PDGFD: variants seen among roughly 807,000 people sequenced by gnomAD.
PDGFD encodes platelet-derived growth factor D.
In PDGFD, 30 loss-of-function variants were observed where a neutral mutation model predicts 44.7. The ratio of observed to expected loss-of-function variants is 0.67; its 90% confidence interval spans 0.50 to 0.91. PDGFD has a LOEUF of 0.91. Among genes scored for constraint, PDGFD ranks in the 40% least tolerant of loss-of-function variants. PDGFD has a pLI of 0.00. For synonymous variants in PDGFD, 173 were observed against 168.4 expected, an observed-to-expected ratio of 1.03 and a Z score of -0.21; for missense variants, 445 against 457.8, an observed-to-expected ratio of 0.97 and a Z score of 0.25.
intron 3 of PDGFD, among the ~76,000 whole-genome samples, chr11:103,970,385 A>G (rs1859086255): frequency 6.6e-6 from 1 of 152,092 alleles, no homozygotes; most frequent in African/African-American, 2.4e-5. Flanking sequence ...AAGTTCTTCT[A>G]TGAAATATAG....
intron 1 of PDGFD, among the ~76,000 whole-genome samples, chr11:104,124,212 T>C (rs1861813288): frequency 6.6e-6 from 1 of 151,966 alleles, no homozygotes; most frequent in Admixed American, 6.6e-5. Context: ...TGAAGAAAAG[T>C]GACTTTAAAT....
intron 3 of PDGFD, among the ~76,000 whole-genome samples, chr11:103,964,578 C>T (rs577988251): frequency 1.3e-5 from 2 of 152,150 alleles, no homozygotes; most frequent in African/African-American, 4.8e-5. Flanking sequence ...TTCCCATATC[C>T]CCTAGTGGCA....
chr11:104,067,822 C>A (rs891999094), intron 1 of PDGFD, among the ~76,000 whole-genome samples: 1 of 152,038 alleles, frequency 6.6e-6, no homozygotes, highest in Non-Finnish European at 1.5e-5. Flanking sequence ...GTACATAGAG[C>A]AGTTATGCTC....
rs142011177 is a variant in PDGFD at position 104,107,203 on chromosome 11, C to T, written c.124+56601G>A. On this transcript the variant is annotated intron_variant, in intron 1 of 6. Coordinates refer to ENST00000393158, the MANE Select transcript of PDGFD (RefSeq NM_025208.5). ...GAAGGGAGATTATCCCCAAAGAGAC[C>T]GAATCACATGTGCCCTTTAAAAGAG... Among the ~76,000 whole-genome samples, 87 of 152,166 alleles carry T rather than the reference C, an allele frequency of 5.7e-4. No individual in the cohort carries two copies. In the East Asian group the frequency reaches 0.015, roughly 26 times the overall value.
At chr11:103,940,257 A>G (rs1337185716) in intron 5 of PDGFD, among the ~76,000 whole-genome samples, 3 of 152,006 alleles carry the variant, frequency 2.0e-5, no homozygotes, top group Non-Finnish European at 4.4e-5. Context: ...TTCTTTACTC[A>G]GTGTGTCTGC....
chr11:104,041,712 CA>C (rs1860356688), intron 1 of PDGFD, among the ~76,000 whole-genome samples: 3 of 152,230 alleles, frequency 2.0e-5, no homozygotes, highest in African/African-American at 7.2e-5. Context: ...GCAGTTAAAC[CA>C]GAAGATGGAT....
chr11:104,050,807 G>A (rs981992672), intron 1 of PDGFD, among the ~76,000 whole-genome samples: 2 of 152,144 alleles, frequency 1.3e-5, no homozygotes, highest in African/African-American at 4.8e-5. Context: ...GAAACACAGA[G>A]GCAGAGGATC....
intron 1 of PDGFD, among the ~76,000 whole-genome samples, chr11:104,118,878 CATAT>C (rs1415619227): frequency 1.5e-5 from 1 of 67,084 alleles, no homozygotes; most frequent in African/African-American, 6.4e-5. Flanking sequence ...TATTAATATA[CATAT>C]ATATTATTAT....
chr11:104,061,516 G>A (rs2134414150), intron 1 of PDGFD, among the ~76,000 whole-genome samples: 1 of 152,304 alleles, frequency 6.6e-6, no homozygotes, highest in South Asian at 2.1e-4. Flanking sequence ...ATTAACAGAT[G>A]AATGGATAAA....
intron 3 of PDGFD, among the ~76,000 whole-genome samples, chr11:103,964,854 G>A (rs1371687033): frequency 6.6e-6 from 1 of 151,922 alleles, no homozygotes; most frequent in Non-Finnish European, 1.5e-5. Flanking sequence ...TGTGCTCTGA[G>A]CTATTAGATA....
chr11:104,129,465 G>A (rs10895578), intron 1 of PDGFD, among the ~76,000 whole-genome samples: 28,416 of 152,042 alleles, frequency 0.19, 2,775 homozygotes, highest in Middle Eastern at 0.29. Flanking sequence ...TTCCAGTCAT[G>A]TCTCCAGGAG....
At chr11:103,922,519 C>T (rs1041567183) in intron 6 of PDGFD, among the ~76,000 whole-genome samples, 7 of 150,892 alleles carry the variant, frequency 4.6e-5, no homozygotes, top group Non-Finnish European at 7.4e-5. Context: ...GCGAGAGGTG[C>T]CCCTGTTATA....
At chr11:103,991,461 A>T (rs75789448) in intron 3 of PDGFD, among the ~76,000 whole-genome samples, 1 of 152,196 alleles carries the variant, frequency 6.6e-6, no homozygotes, top group East Asian at 1.9e-4. Context: ...ACAGAGATAT[A>T]CACAGCTAAG....
intron 1 of PDGFD, among the ~76,000 whole-genome samples, chr11:104,093,634 C>G (rs1858235718): frequency 6.6e-6 from 1 of 151,886 alleles, no homozygotes; most frequent in Non-Finnish European, 1.5e-5. Flanking sequence ...CCCCCTCACT[C>G]CCTCACTCCC....
chr11:104,029,478 A>G (rs1186162688), intron 1 of PDGFD, among the ~76,000 whole-genome samples: 2 of 152,244 alleles, frequency 1.3e-5, no homozygotes, highest in African/African-American at 4.8e-5. Context: ...CATAAACAAC[A>G]ATCTGAAGTT....
chr11:103,934,285 C>A (rs1404240685), intron 5 of PDGFD, among the ~76,000 whole-genome samples: 2 of 152,162 alleles, frequency 1.3e-5, no homozygotes, highest in Admixed American at 6.5e-5. Context: ...GGTATGCCCA[C>A]ATTATTACTG....
intron 1 of PDGFD, among the ~76,000 whole-genome samples, chr11:104,095,698 A>T (rs916024611): frequency 2.6e-5 from 4 of 152,224 alleles, no homozygotes; most frequent in African/African-American, 9.6e-5. Context: ...TTTAGTCTAT[A>T]AAACATGCTC....
At chr11:104,084,891 CAT>C (rs1171616318) in intron 1 of PDGFD, among the ~76,000 whole-genome samples, 12 of 125,898 alleles carry the variant, frequency 9.5e-5, no homozygotes, top group Non-Finnish European at 1.8e-4. Flanking sequence ...GAATATAAAA[CAT>C]GTAATACAAT....
chr11:103,909,477 T>C lies in PDGFD; in HGVS notation c.*217A>G, dbSNP rs1277293451. 1.9e-6 allele frequency: 1 copy of C among 536,938 alleles called. No individual in the cohort carries two copies. Among genetic ancestry groups the C allele is most frequent in the Non-Finnish European group, 3.3e-6 (1 of 299,840 alleles). The allele number at this position is 536,938 out of a possible 1,614,324, so 33.3% of individuals were successfully genotyped here. On this transcript the variant is annotated 3_prime_UTR_variant, in exon 7 of 7. Coordinates refer to ENST00000393158, the MANE Select transcript of PDGFD (RefSeq NM_025208.5). ...GCATATATAACCTCAAACACTATTATTAAATGCAATCCTATATTCTTAGGT... is the reference window on the plus strand; with the variant it reads ...GCATATATAACCTCAAACACTATTACTAAATGCAATCCTATATTCTTAGGT...
Sources: allele counts gnomAD v4.1 joint callset (sites outside exome capture counted in the v4.1 genomes callset), GRCh38; gene constraint gnomAD v4.1.1; transcripts MANE v1.5; gene names NCBI Gene and HGNC (gene_info 2026-07-23, HGNC 2026-07-21).